Variants in SNAP47 observed in about 807,000 individuals in gnomAD.
SNAP47 encodes synaptosome associated protein 47, also known as synaptosomal-associated protein 47.
In SNAP47, 20 loss-of-function variants were observed where a neutral mutation model predicts 31.4. The ratio of observed to expected loss-of-function variants is 0.64; its 90% confidence interval spans 0.45 to 0.93. The LOEUF (loss-of-function observed/expected upper bound fraction) is 0.93. SNAP47 is among the 40% of genes least tolerant of loss of function. The pLI, the probability that SNAP47 is intolerant of heterozygous loss-of-function variation, is 0.00. For synonymous variants in SNAP47, 194 were observed against 213.4 expected (o/e 0.91, Z 0.79); for missense variants, 492 against 528.5 (o/e 0.93, Z 0.68).
Position 227,747,566 on chromosome 1 carries a change from C to T in SNAP47, c.-45-126C>T, listed in dbSNP as rs1282913866. ...CTTCGTCATGCAGCCACAGGTGGAT[C>T]GAGAGTCAGCCACGTGCTGCAGCCT... On this transcript the variant is annotated intron_variant, in intron 1 of 4. Transcript: ENST00000617596. The T allele has an allele frequency of 2.6e-5, 24 of 926,254 alleles. No individual in the cohort carries two copies. The South Asian group carries it at 3.1e-4, about 12-fold the overall frequency. The allele number at this position is 926,254 out of a possible 1,614,324, so 57.4% of individuals were successfully genotyped here. A position where few individuals can be genotyped will look rare whatever the true frequency, so the allele number is the denominator to read the frequency against.
intron 1 of SNAP47, among the ~76,000 whole-genome samples, chr1:227,738,472 A>G (rs937739046): frequency 9.9e-5 from 15 of 152,272 alleles, no homozygotes; most frequent in African/African-American, 3.6e-4. Flanking sequence ...GTTCACGCAC[A>G]TGTATGCACA....
At position 227,780,627 on chromosome 1, in the gene SNAP47, C is replaced by T. The variant is rs1664408893; in HGVS notation, c.1214C>T (p.Thr405Ile). 3.7e-6 allele frequency: 6 copies of T among 1,614,198 alleles called. No homozygotes were observed. Among genetic ancestry groups the T allele is most frequent in the Non-Finnish European group, 5.1e-6 (6 of 1,180,036 alleles). Residue 405 changes from threonine to isoleucine, a missense_variant, in exon 5 of 5, where the codon ACC (threonine) becomes ATC (isoleucine). Transcript: ENST00000617596. ...GTTGCAGCAGCTGTGGACAGGGCAA[C>T]CTTGACCATCGACAAGCACAACAGG... ...DGVAAAVDRA[T>I]LTIDKHNRRM...
chr1:227,751,269 G>C (rs1334025954), intron 2 of SNAP47, among the ~76,000 whole-genome samples: 14 of 152,208 alleles, frequency 9.2e-5, no homozygotes, highest in Admixed American at 9.2e-4. Flanking sequence ...CTCAGCAGCT[G>C]TCTCCCAGAG....
intron 3 of SNAP47, among the ~76,000 whole-genome samples, chr1:227,760,893 A>G (rs1663016066): frequency 6.6e-6 from 1 of 152,212 alleles, no homozygotes; most frequent in South Asian, 2.1e-4. Context: ...GAAATCTTTT[A>G]TCTTGCCATG....
upstream of SNAP47, chr1:227,732,375 T>A: frequency 6.2e-7 from 1 of 1,608,790 alleles, no homozygotes. Context: ...CCCGTCCTTC[T>A]ATCCTCACGA....
At chr1:227,768,057 AAAGGAT>A (rs2102979541) in intron 4 of SNAP47, among the ~76,000 whole-genome samples, 1 of 152,380 alleles carries the variant, frequency 6.6e-6, no homozygotes, top group East Asian at 1.9e-4. Flanking sequence ...ATGTATCATT[AAAGGAT>A]AAGAGCCATT....
chr1:227,737,102 G>A (rs1018395835), intron 1 of SNAP47, among the ~76,000 whole-genome samples: 1 of 152,216 alleles, frequency 6.6e-6, no homozygotes, highest in African/African-American at 2.4e-5. Flanking sequence ...GAGGGATCAG[G>A]GTACTCTGTG....
At chr1:227,760,297 A>G (rs1392767658) in intron 3 of SNAP47, among the ~76,000 whole-genome samples, 4 of 152,102 alleles carry the variant, frequency 2.6e-5, no homozygotes, top group Non-Finnish European at 5.9e-5. Context: ...GGCCATTCCC[A>G]TCACCCCTAC....
chr1:227,741,720 C>T lies in SNAP47; in HGVS notation c.-45-5972C>T, dbSNP rs537871852. 3.3e-5 allele frequency among the ~76,000 whole-genome samples: 5 copies of T among 151,992 alleles called. No individual in the cohort carries two copies. The highest frequency in any genetic ancestry group is 4.8e-5 in the African/African-American group (2 of 41,364). Reference sequence around the variant, plus strand: ...CTCTGTGTGGGGCCAGGCGTGTCGTCGGGTAGGGGAATGGCTGGCCGGCGT... The same window carrying T: ...CTCTGTGTGGGGCCAGGCGTGTCGTTGGGTAGGGGAATGGCTGGCCGGCGT... On this transcript the variant is annotated intron_variant, in intron 1 of 4. Coordinates refer to ENST00000617596, the MANE Select transcript of SNAP47 (RefSeq NM_053052.4). The surrounding 1 kb of genome is among the most constrained non-coding windows in gnomAD (Gnocchi z 4.2).
At chr1:227,765,686 A>G (rs12073225) in intron 3 of SNAP47, among the ~76,000 whole-genome samples, 35,354 of 152,092 alleles carry the variant, frequency 0.23, 4,269 homozygotes, top group African/African-American at 0.26. Flanking sequence ...CGCTGGTGCT[A>G]TCTGTGAAGG....
intron 2 of SNAP47, among the ~76,000 whole-genome samples, chr1:227,749,866 T>G (rs1662232983): frequency 6.6e-6 from 1 of 152,148 alleles, no homozygotes; most frequent in South Asian, 2.1e-4. Flanking sequence ...ATAGCTCAGG[T>G]TTTTACATGC....
upstream of SNAP47, among the ~76,000 whole-genome samples, chr1:227,728,246 T>TCGCTGGACCCTGGGCGTCC (rs1660437541): frequency 6.6e-6 from 1 of 152,144 alleles, no homozygotes; most frequent in African/African-American, 2.4e-5. Context: ...CCTGCAGGGT[T>TCGCTGGACCCTGGGCGTCC]CGCTGGACCC....
intron 4 of SNAP47, 98 bp from the exon 5 acceptor site, chr1:227,780,429 A>G (rs1572063542): frequency 6.6e-7 from 1 of 1,519,096 alleles, no homozygotes; most frequent in East Asian, 2.3e-5. Context: ...CCCAGGTGGT[A>G]ACGCAAAGGC....
intron 4 of SNAP47, among the ~76,000 whole-genome samples, chr1:227,771,801 G>C (rs1178400043): frequency 6.6e-6 from 1 of 151,968 alleles, no homozygotes; most frequent in Non-Finnish European, 1.5e-5. Flanking sequence ...GAGTGATGGG[G>C]ACAGGAGGCC....
At chr1:227,773,614 G>A (rs748425940) in intron 4 of SNAP47, among the ~76,000 whole-genome samples, 9 of 151,780 alleles carry the variant, frequency 5.9e-5, no homozygotes, top group African/African-American at 9.7e-5. Context: ...CCCTGCTCAC[G>A]GGAAGCGCTC....
intron 2 of SNAP47, among the ~76,000 whole-genome samples, chr1:227,755,907 A>G (rs1417386446): frequency 6.6e-6 from 1 of 152,194 alleles, no homozygotes; most frequent in Admixed American, 6.5e-5. Context: ...ACTTTTAACC[A>G]ATTGCCATCT....
chr1:227,775,947 G>C (rs1664133966), intron 4 of SNAP47: 1 of 1,292,616 alleles, frequency 7.7e-7, no homozygotes, highest in African/African-American at 1.5e-5. Flanking sequence ...GAGCCGGCCA[G>C]GCCCACAGCG....
chr1:227,780,199 T>G (rs1472445061), intron 4 of SNAP47, among the ~76,000 whole-genome samples: 1 of 152,080 alleles, frequency 6.6e-6, no homozygotes, highest in Non-Finnish European at 1.5e-5. Flanking sequence ...CACACCCACA[T>G]GCAACGCTCC....
At chr1:227,778,985 T>A (rs1264460410) in intron 4 of SNAP47, among the ~76,000 whole-genome samples, 1 of 152,222 alleles carries the variant, frequency 6.6e-6, no homozygotes, top group Non-Finnish European at 1.5e-5. Context: ...GACATGTGGC[T>A]CATTTCACCT....
Sources: allele counts gnomAD v4.1 joint callset (sites outside exome capture counted in the v4.1 genomes callset), GRCh38; gene constraint gnomAD v4.1.1; non-coding constraint Gnocchi (gnomAD v3.1); transcripts MANE v1.5; gene names NCBI Gene and HGNC (gene_info 2026-07-23, HGNC 2026-07-21).